The following PIK3C2G variants were observed in gnomAD, a reference collection of about 807,000 sequenced individuals.
PIK3C2G encodes the protein phosphatidylinositol-4-phosphate 3-kinase catalytic subunit type 2 gamma.
Under a neutral mutation model 181.1 loss-of-function variants are expected in PIK3C2G, and 168 were observed. The ratio of observed to expected loss-of-function variants is 0.93; its 90% CI spans 0.82 to 1.05. The LOEUF is 1.05. Among genes scored for constraint, PIK3C2G ranks in the 50% least tolerant of loss-of-function variants. The pLI is 0.00. For missense variants in PIK3C2G, 1,869 were observed against 1,732.8 expected, an observed-to-expected ratio of 1.08 and a Z score of -1.40; for synonymous variants, 573 against 592.2, an observed-to-expected ratio of 0.97 and a Z score of 0.47.
chr12:18,662,039 C>A, the PIK3C2G span, among the ~76,000 whole-genome samples: 1 of 152,098 alleles, frequency 6.6e-6, no homozygotes, highest in Non-Finnish European at 1.5e-5. Flanking sequence ...AAAACCAATA[C>A]TGCGTGTTCT....
At chr12:18,711,356 G>A in the PIK3C2G span, among the ~76,000 whole-genome samples, 1 of 131,642 alleles carries the variant, frequency 7.6e-6, no homozygotes, top group Non-Finnish European at 1.6e-5. Context: ...GACACAGGAA[G>A]GGGAACATCA....
chr12:18,486,661 T>TAAAA (rs764529586), intron 18 of PIK3C2G, among the ~76,000 whole-genome samples: 2 of 148,462 alleles, frequency 1.3e-5, no homozygotes, highest in Non-Finnish European at 1.5e-5. Context: ...TAAAAATACT[T>TAAAA]AAAAAAAAAA....
intron 26 of PIK3C2G, among the ~76,000 whole-genome samples, chr12:18,550,194 A>G (rs1456422137): frequency 1.3e-5 from 2 of 152,082 alleles, no homozygotes; most frequent in African/African-American, 2.4e-5. Context: ...AGCAGCCTCC[A>G]TTAATTGTAA....
chr12:18,555,662 A>C (rs1454378692), intron 26 of PIK3C2G, among the ~76,000 whole-genome samples: 5 of 152,190 alleles, frequency 3.3e-5, no homozygotes, highest in African/African-American at 1.2e-4. Context: ...TGGCAGCTAG[A>C]AATATGTTAC....
intron 31 of PIK3C2G, among the ~76,000 whole-genome samples, chr12:18,632,985 T>C (rs1949416007): frequency 6.6e-6 from 1 of 152,096 alleles, no homozygotes; most frequent in African/African-American, 2.4e-5. Flanking sequence ...CCATCACGAG[T>C]TCACTCCCTG....
rs190643052 is a variant in PIK3C2G, at chr12:18,405,506, G to A, written c.2315+5659G>A. ...GCGATCTCGGTTCACAGCAACCTCCGCCTCCCCGGGAGAACAGCAACATTT... is the reference window on the plus strand; with the variant it reads ...GCGATCTCGGTTCACAGCAACCTCCACCTCCCCGGGAGAACAGCAACATTT... On this transcript the variant is annotated intron_variant, in intron 16 of 32. Transcript: ENST00000538779. 1.5e-3 allele frequency among the ~76,000 whole-genome samples: 221 copies of A among 151,512 alleles called. 1 individual carries two copies. The highest frequency in any genetic ancestry group is 5.0e-3 in the African/African-American group (207 of 41,262).
chr12:18,654,712 C>T, the PIK3C2G span, among the ~76,000 whole-genome samples: 5 of 152,132 alleles, frequency 3.3e-5, no homozygotes, highest in Admixed American at 6.6e-5. Flanking sequence ...TGGATCAGCT[C>T]TTGGTCTGAT....
intron 29 of PIK3C2G, among the ~76,000 whole-genome samples, chr12:18,585,735 C>G (rs1441683508): frequency 2.0e-5 from 3 of 152,196 alleles, no homozygotes; most frequent in Admixed American, 2.0e-4. Context: ...CCAAAAACAA[C>G]AGAACATACA....
At chr12:18,524,540 T>C (rs1943112423) in intron 24 of PIK3C2G, among the ~76,000 whole-genome samples, 1 of 151,956 alleles carries the variant, frequency 6.6e-6, no homozygotes, top group Non-Finnish European at 1.5e-5. Context: ...CTTAAACTAG[T>C]GGCTTCTTTG....
At chr12:18,342,499 T>A (rs1451802958) in intron 9 of PIK3C2G, among the ~76,000 whole-genome samples, 1 of 152,036 alleles carries the variant, frequency 6.6e-6, no homozygotes, top group Non-Finnish European at 1.5e-5. Context: ...TTTATTTTTT[T>A]ATTTTTACTT....
intron 26 of PIK3C2G, among the ~76,000 whole-genome samples, chr12:18,557,674 G>T (rs1945081655): frequency 6.6e-6 from 1 of 152,050 alleles, no homozygotes; most frequent in South Asian, 2.1e-4. Context: ...ACCATTATTT[G>T]CAGGTTACAT....
rs564890816 is a variant in PIK3C2G at position 18,397,661 on chromosome 12, T to C, written c.2127-1998T>C. ...GAATGTGGTACAAATGGAACTATCA[T>C]ACTCTGCAGGCAATAGTGTAAAATT... is the stretch of plus-strand genomic sequence containing the variant. On this transcript the variant is annotated intron_variant, in intron 15 of 32. Transcript: ENST00000538779. Among the ~76,000 whole-genome samples, 194 of 152,196 alleles carry C rather than the reference T, an allele frequency of 1.3e-3. 2 individuals are homozygous for C. The highest frequency in any genetic ancestry group is 4.3e-3 in the African/African-American group (179 of 41,572).
chr12:18,341,870 T>C (rs1939174922), intron 9 of PIK3C2G, among the ~76,000 whole-genome samples: 1 of 152,162 alleles, frequency 6.6e-6, no homozygotes, highest in South Asian at 2.1e-4. Flanking sequence ...CAAAGGACTA[T>C]TTCCTGCCAT....
At chr12:18,398,346 G>C (rs752783238) in intron 15 of PIK3C2G, among the ~76,000 whole-genome samples, 1 of 151,984 alleles carries the variant, frequency 6.6e-6, no homozygotes, top group Non-Finnish European at 1.5e-5. Flanking sequence ...TTCTTCTGTG[G>C]GCTTTTCAGA....
intron 1 of PIK3C2G, among the ~76,000 whole-genome samples, chr12:18,249,584 G>A (rs1392152297): frequency 6.6e-6 from 1 of 152,036 alleles, no homozygotes. Context: ...GTAAGAAATA[G>A]AGCCAAGATC....
chr12:18,265,384 C>T (rs1209590756), intron 1 of PIK3C2G, among the ~76,000 whole-genome samples: 1 of 152,084 alleles, frequency 6.6e-6, no homozygotes, highest in Non-Finnish European at 1.5e-5. Flanking sequence ...CAATCTTTAG[C>T]AGATGGAAAA....
At chr12:18,718,601 T>C in the PIK3C2G span, among the ~76,000 whole-genome samples, 2 of 152,120 alleles carry the variant, frequency 1.3e-5, no homozygotes, top group Non-Finnish European at 2.9e-5. Flanking sequence ...TAGATGTTTC[T>C]AAGGCTTCCT....
At chr12:18,685,865 CACACAT>C in the PIK3C2G span, among the ~76,000 whole-genome samples, 61 of 145,920 alleles carry the variant, frequency 4.2e-4, no homozygotes, top group East Asian at 1.1e-3. Flanking sequence ...CACACACACA[CACACAT>C]ACAATAATAT....
chr12:18,706,054 C>T, the PIK3C2G span, among the ~76,000 whole-genome samples: 1 of 151,776 alleles, frequency 6.6e-6, no homozygotes, highest in Non-Finnish European at 1.5e-5. Context: ...TGGCGAAACC[C>T]CATCTCTACT....
Sources: allele counts gnomAD v4.1 joint callset (sites outside exome capture counted in the v4.1 genomes callset), GRCh38; gene constraint gnomAD v4.1.1; transcripts MANE v1.5; gene names NCBI Gene and HGNC (gene_info 2026-07-23, HGNC 2026-07-21).